Variants in GRID1 observed in about 807,000 individuals in gnomAD.
GRID1 encodes the protein glutamate receptor ionotropic, delta-1.
A neutral mutation model predicts 98.0 loss-of-function variants in GRID1; 28 were observed. That is an observed-to-expected ratio of 0.29 (90% CI 0.21 to 0.39). The LOEUF (loss-of-function observed/expected upper bound fraction) is 0.39, where lower values mean the gene tolerates loss of function less well. GRID1 is among the 10% of genes least tolerant of loss of function. GRID1 has a pLI of 1.00. For synonymous variants in GRID1, 553 were observed against 538.5 expected, an observed-to-expected ratio of 1.03 and a Z score of -0.37; for missense variants, 1,111 against 1,340.5, an observed-to-expected ratio of 0.83 and a Z score of 2.67.
At chr10:86,296,825 ACATACAT>A in intron 2 of GRID1, among the ~76,000 whole-genome samples, 1 of 146,302 alleles carries the variant, frequency 6.8e-6, no homozygotes, top group East Asian at 1.9e-4. Context: ...ATACATACAT[ACATACAT>A]AAAAATGATT....
intron 2 of GRID1, among the ~76,000 whole-genome samples, chr10:86,324,894 C>T (rs1848025873): frequency 6.6e-6 from 1 of 151,346 alleles, no homozygotes; most frequent in Non-Finnish European, 1.5e-5. Flanking sequence ...AGAAAAACAA[C>T]ACCTAGCAAA....
chr10:86,349,747 G>A (rs553445883), intron 2 of GRID1, among the ~76,000 whole-genome samples: 14 of 152,276 alleles, frequency 9.2e-5, no homozygotes, highest in Non-Finnish European at 1.5e-4. Context: ...GCATGCAGAG[G>A]TTGCAGAGAG....
chr10:85,915,435 TCACA>T (rs894865955), intron 5 of GRID1, among the ~76,000 whole-genome samples: 1 of 151,550 alleles, frequency 6.6e-6, no homozygotes, highest in Non-Finnish European at 1.5e-5. Flanking sequence ...CACATTCAAT[TCACA>T]CACAAAGACA....
chr10:85,860,561 T>G (rs1590269409), intron 6 of GRID1, among the ~76,000 whole-genome samples: 1 of 152,200 alleles, frequency 6.6e-6, no homozygotes, highest in Non-Finnish European at 1.5e-5. Context: ...GACTGGATGG[T>G]TTCATTTAGC....
chr10:85,862,268 C>T (rs1843170578), intron 6 of GRID1, among the ~76,000 whole-genome samples: 1 of 152,140 alleles, frequency 6.6e-6, no homozygotes. Context: ...ATAACAAATG[C>T]ATAAATGGGT....
chr10:85,605,754 G>C (rs1254716217), intron 15 of GRID1: 1 of 152,200 alleles, frequency 6.6e-6, no homozygotes, highest in East Asian at 1.9e-4. Flanking sequence ...AGAGTTTGGA[G>C]AGAGGGAAAG....
At chr10:86,003,051 A>G (rs1209633847) in intron 4 of GRID1, among the ~76,000 whole-genome samples, 1 of 152,266 alleles carries the variant, frequency 6.6e-6, no homozygotes, top group East Asian at 1.9e-4. Context: ...CCACAAGAGC[A>G]AAAAAGGGCT....
chr10:85,690,201 C>T (rs1310943311), intron 12 of GRID1, among the ~76,000 whole-genome samples: 1 of 151,934 alleles, frequency 6.6e-6, no homozygotes, highest in Non-Finnish European at 1.5e-5. Flanking sequence ...TTTTCTTTTG[C>T]TTAGATTTAA....
intron 8 of GRID1, among the ~76,000 whole-genome samples, chr10:85,731,821 A>G (rs1174296108): frequency 1.5e-5 from 2 of 133,450 alleles, no homozygotes; most frequent in Non-Finnish European, 3.1e-5. Flanking sequence ...AAAGAAGAAG[A>G]AGGAAGGAAG....
intron 12 of GRID1, among the ~76,000 whole-genome samples, chr10:85,722,396 G>T (rs1279507405): frequency 2.6e-5 from 4 of 151,920 alleles, no homozygotes; most frequent in Non-Finnish European, 5.9e-5. Flanking sequence ...TCTTTTTTTT[G>T]TAATTTACAC....
chr10:86,199,054 T>A (rs1381340962), intron 3 of GRID1, among the ~76,000 whole-genome samples: 1 of 152,152 alleles, frequency 6.6e-6, no homozygotes, highest in Non-Finnish European at 1.5e-5. Context: ...TACTCATTTA[T>A]TTTTTGCACT....
At chr10:85,628,476 T>TA (rs1437115029) in intron 13 of GRID1, among the ~76,000 whole-genome samples, 2 of 152,082 alleles carry the variant, frequency 1.3e-5, no homozygotes, top group South Asian at 4.1e-4. Flanking sequence ...AGGACTCAGG[T>TA]ACCAAGCTGC....
intron 4 of GRID1, among the ~76,000 whole-genome samples, chr10:85,988,475 A>G (rs1842639200): frequency 6.6e-6 from 1 of 152,236 alleles, no homozygotes; most frequent in Non-Finnish European, 1.5e-5. Context: ...CAAGAAGAGA[A>G]GTAACATTTT....
intron 6 of GRID1, among the ~76,000 whole-genome samples, chr10:85,864,604 T>C (rs1002255160): frequency 3.3e-5 from 5 of 152,148 alleles, no homozygotes; most frequent in South Asian, 2.1e-4. Context: ...AGGTAGCTGG[T>C]ATGGGGAGGC....
intron 8 of GRID1, among the ~76,000 whole-genome samples, chr10:85,810,238 T>G (rs1842658975): frequency 6.6e-6 from 1 of 151,852 alleles, no homozygotes; most frequent in African/African-American, 2.4e-5. Flanking sequence ...GTAGCAACTT[T>G]GGGCCTCCAA....
intron 4 of GRID1, among the ~76,000 whole-genome samples, chr10:86,016,000 C>T (rs61856021): frequency 0.055 from 8,317 of 151,980 alleles, 284 homozygotes; most frequent in Middle Eastern, 0.088. Flanking sequence ...GAGGGGTTGC[C>T]ACATAGACAG....
chr10:86,336,166 A>G (rs1848218321), intron 2 of GRID1, among the ~76,000 whole-genome samples: 2 of 152,338 alleles, frequency 1.3e-5, no homozygotes, highest in East Asian at 1.9e-4. Context: ...GAGTCTGATC[A>G]CTGGACTTAC....
chr10:86,195,086 G>A lies in GRID1; in HGVS notation c.520+11278C>T, dbSNP rs1413854528. On this transcript the variant is annotated intron_variant, in intron 3 of 15. Transcript: ENST00000327946. This position sits in a 1 kb window ranked among gnomAD's most constrained non-coding sequence, Gnocchi z 4.4. ...CAACCCTTGCTATGACCCGCTTCAA[G>A]TCTGGCCCAGAGGAAGCTTAGGCAG... Among the ~76,000 whole-genome samples, 1 of 152,110 alleles carries A rather than the reference G, an allele frequency of 6.6e-6. No individual in the cohort carries two copies. The highest frequency in any genetic ancestry group is 1.5e-5 in the Non-Finnish European group (1 of 67,986).
chr10:86,246,415 C>T (rs1352084582), intron 2 of GRID1, among the ~76,000 whole-genome samples: 1 of 152,164 alleles, frequency 6.6e-6, no homozygotes, highest in Non-Finnish European at 1.5e-5. Flanking sequence ...CAGCCCTGGC[C>T]ACCAACAGAA....
Sources: gnomAD v4.1 joint callset for allele counts (sites outside exome capture counted in the v4.1 genomes callset) on GRCh38, gnomAD v4.1.1 for gene constraint, Gnocchi (gnomAD v3.1) non-coding constraint, MANE v1.5 for transcripts, NCBI Gene and HGNC (gene_info 2026-07-23, HGNC 2026-07-21) for gene names.